CCDC73: variants seen among roughly 807,000 people sequenced by gnomAD.
CCDC73 encodes coiled-coil domain containing 73.
Under a neutral mutation model 116.5 loss-of-function variants are expected in CCDC73, and 95 were observed. That is an observed-to-expected ratio of 0.82 (90% CI 0.69 to 0.97). The LOEUF is 0.97. CCDC73 is among the 50% of genes least tolerant of loss of function. The pLI is 0.00. For missense variants in CCDC73, 1,066 were observed against 1,206.8 expected, an observed-to-expected ratio of 0.88 and a Z score of 1.73; for synonymous variants, 398 against 401.3, an observed-to-expected ratio of 0.99 and a Z score of 0.10.
intron 4 of CCDC73, 21 bp downstream of exon 4, chr11:32,702,852 T>A: frequency 1.3e-6 from 2 of 1,520,918 alleles, no homozygotes; most frequent in Non-Finnish European, 1.8e-6. Flanking sequence ...TGGTAGTGTT[T>A]GTCTATCCTT....
chr11:32,766,042 G>A (rs1196568978), intron 1 of CCDC73, among the ~76,000 whole-genome samples: 1 of 152,098 alleles, frequency 6.6e-6, no homozygotes, highest in African/African-American at 2.4e-5. Context: ...AATGAACATC[G>A]ATGCAAAAAT....
intron 2 of CCDC73, among the ~76,000 whole-genome samples, chr11:32,744,987 T>C (rs1383337601): frequency 6.6e-6 from 1 of 152,210 alleles, no homozygotes; most frequent in Non-Finnish European, 1.5e-5. Flanking sequence ...GTTCTTTTAA[T>C]TGTGATGTTA....
At chr11:32,655,626 A>T (rs1258294260) in intron 9 of CCDC73, among the ~76,000 whole-genome samples, 1 of 152,204 alleles carries the variant, frequency 6.6e-6, no homozygotes, top group Admixed American at 6.5e-5. Flanking sequence ...GAATATTGGT[A>T]GTTGTGTCTA....
chr11:32,654,169 T>C (rs1855851149), intron 10 of CCDC73, 132 bp from the exon 11 acceptor site: 2 of 807,788 alleles, frequency 2.5e-6, no homozygotes, highest in Non-Finnish European at 3.6e-6. Context: ...GTTTTTTTGT[T>C]TGTTTATTTG....
chr11:32,747,221 A>G (rs1183975809), intron 2 of CCDC73, among the ~76,000 whole-genome samples: 1 of 151,876 alleles, frequency 6.6e-6, no homozygotes, highest in Non-Finnish European at 1.5e-5. Context: ...CTGGAGGTCC[A>G]CTCCAGACCC....
At chr11:32,619,532 G>C (rs1855503742) in intron 14 of CCDC73, among the ~76,000 whole-genome samples, 1 of 152,074 alleles carries the variant, frequency 6.6e-6, no homozygotes. Flanking sequence ...AATTAGCTGG[G>C]TGCGGTGGCA....
At chr11:32,775,748 G>T (rs1227978106) in intron 1 of CCDC73, among the ~76,000 whole-genome samples, 1 of 152,222 alleles carries the variant, frequency 6.6e-6, no homozygotes, top group Non-Finnish European at 1.5e-5. Flanking sequence ...TTAATAGGTA[G>T]CTATGTTTTC....
Position 32,611,244 on chromosome 11 carries a change from A to G in CCDC73, c.2918T>C (p.Val973Ala), listed in dbSNP as rs761158962. The G allele has an allele frequency of 6.2e-7, 1 of 1,613,350 alleles. No individual in the cohort carries two copies. The highest frequency in any genetic ancestry group is 2.2e-5 in the East Asian group (1 of 44,806). Residue 973 changes from valine (V) to alanine (A), a missense_variant, in exon 17 of 18, where the codon GTT (valine) becomes GCT (alanine). By Grantham distance (64) the Val-to-Ala change is moderately conservative (BLOSUM62 0). Coordinates refer to ENST00000335185, the MANE Select transcript of CCDC73 (RefSeq NM_001008391.4). ...IGPDTTSINR[V>A]ADTLNNWSIH... is the part of the protein sequence containing the mutation. Reference sequence around the variant, plus strand: ...ACTCCAGTTATTCAAAGTGTCAGCAACTCTGTTAATGCTGGTAGTATCTGA... The same window carrying G: ...ACTCCAGTTATTCAAAGTGTCAGCAGCTCTGTTAATGCTGGTAGTATCTGA...
chr11:32,653,868 A>G, intron 11 of CCDC73, 110 bp downstream of exon 11: 1 of 1,201,388 alleles, frequency 8.3e-7, no homozygotes, highest in Non-Finnish European at 1.1e-6. Context: ...TACATTTAAT[A>G]CACATTAACT....
At chr11:32,753,633 T>C (rs1381609614) in intron 2 of CCDC73, among the ~76,000 whole-genome samples, 1 of 151,894 alleles carries the variant, frequency 6.6e-6, no homozygotes, top group Admixed American at 6.6e-5. Context: ...CCCAGCTAAT[T>C]TTTTGTATTT....
chr11:32,616,072 T>C lies in CCDC73; in HGVS notation c.1243A>G (p.Thr415Ala). ...SEMSTEKSEN[T>A]IIQKYNTEQE... ...TCAGTATTATATTTCTGTATAATGG[T>C]GTTTTCTGATTTTTCAGTTGACATT... The change falls in exon 15 of 18, where the codon ACC (threonine) becomes GCC (alanine). Residue 415 changes from threonine (T) to alanine (A), a missense_variant. By Grantham distance (58) the Thr-to-Ala change is moderately conservative (BLOSUM62 0). Transcript: ENST00000335185. 4 of 1,590,504 alleles carry C rather than the reference T, an allele frequency of 2.5e-6. No homozygotes were observed. Among genetic ancestry groups the C allele is most frequent in the Non-Finnish European group, 3.4e-6 (4 of 1,172,192 alleles).
In CCDC73 at chr11:32,640,978, G is replaced by A. The variant is rs571362562; in HGVS notation, c.1050+994C>T. On this transcript the variant is annotated intron_variant, in intron 13 of 17. Coordinates refer to ENST00000335185, the MANE Select transcript of CCDC73 (RefSeq NM_001008391.4). ...TTGCAGTGAGCAGAGATCCGTCCACGGCACTCTAGCCTGGGGGACAGAGTG... is the reference window on the plus strand; with the variant it reads ...TTGCAGTGAGCAGAGATCCGTCCACAGCACTCTAGCCTGGGGGACAGAGTG... Among the ~76,000 whole-genome samples, 4 of 151,680 alleles carry A rather than the reference G, an allele frequency of 2.6e-5. No individual in the cohort carries two copies. In the South Asian group the frequency reaches 6.3e-4, roughly 24 times the overall value.
chr11:32,809,462 T>C, the CCDC73 span, among the ~76,000 whole-genome samples: 2 of 152,204 alleles, frequency 1.3e-5, no homozygotes, highest in East Asian at 1.9e-4. Flanking sequence ...CTTGCTGTCT[T>C]GAGCATTACA....
At chr11:32,731,363 CA>C (rs1554967180) in intron 2 of CCDC73, among the ~76,000 whole-genome samples, 2 of 152,200 alleles carry the variant, frequency 1.3e-5, no homozygotes, top group Non-Finnish European at 2.9e-5. Context: ...CATAGATGAA[CA>C]AAAGGCATCA....
chr11:32,697,471 T>A (rs1465464603), intron 6 of CCDC73, among the ~76,000 whole-genome samples: 1 of 147,754 alleles, frequency 6.8e-6, no homozygotes, highest in African/African-American at 2.5e-5. Context: ...GGTTGTTATA[T>A]CTCTTTATTC....
At chr11:32,645,336 G>A (rs1855768840) in intron 12 of CCDC73, among the ~76,000 whole-genome samples, 1 of 138,414 alleles carries the variant, frequency 7.2e-6, no homozygotes. Flanking sequence ...CTGTTGCCCA[G>A]GCTGGGCTGC....
At chr11:32,820,633 G>A in the CCDC73 span, among the ~76,000 whole-genome samples, 2 of 152,142 alleles carry the variant, frequency 1.3e-5, no homozygotes, top group African/African-American at 4.8e-5. Flanking sequence ...TTTAAGAACA[G>A]AGTCTCCACA....
At position 32,653,916 on chromosome 11, in the gene CCDC73, T is replaced by A. The variant is rs1412242280; in HGVS notation, c.834+62A>T. On this transcript the variant is annotated intron_variant, in intron 11 of 17. Transcript: ENST00000335185. ...TGTGCTATGCATGATTCCACTTATT[T>A]TTTACATTTTATCTGATTTTTAGAA... 8 of 1,547,670 alleles carry A rather than the reference T, an allele frequency of 5.2e-6. No homozygotes were observed. In the African/African-American group the frequency reaches 1.1e-4, roughly 21 times the overall value.
chr11:32,793,845 A>G (rs1458156155), intron 1 of CCDC73, among the ~76,000 whole-genome samples: 1 of 152,024 alleles, frequency 6.6e-6, no homozygotes, highest in Non-Finnish European at 1.5e-5. Flanking sequence ...TCCTGACCTC[A>G]GGTGATCCGC....
Sources: gnomAD v4.1 joint callset for allele counts (sites outside exome capture counted in the v4.1 genomes callset) on GRCh38, gnomAD v4.1.1 for gene constraint, MANE v1.5 for transcripts, NCBI Gene and HGNC (gene_info 2026-07-23, HGNC 2026-07-21) for gene names.